Variants in HERC4 observed in about 807,000 individuals in gnomAD.
The protein encoded by HERC4 is HECT and RLD domain containing E3 ubiquitin protein ligase 4, also known as probable E3 ubiquitin-protein ligase HERC4.
In HERC4, 28 loss-of-function variants were observed where a neutral mutation model predicts 124.3. That is an observed-to-expected ratio of 0.23 (90% CI 0.17 to 0.31). HERC4 has a LOEUF of 0.31. Among genes scored for constraint, HERC4 ranks in the 10% least tolerant of loss-of-function variants. The pLI is 1.00. For synonymous variants in HERC4, 407 were observed against 421.5 expected (o/e 0.97, Z 0.42); for missense variants, 713 against 1,229.3 (o/e 0.58, Z 6.28).
Position 68,023,582 on chromosome 10 carries a change from T to C in HERC4, c.908+1964A>G, listed in dbSNP as rs184879657. ...ATAGGGAGTCATTGTTTAATGGGTATAGAGCTTCAGTTTTGCAAGATAAAA... is the reference window on the plus strand; with the variant it reads ...ATAGGGAGTCATTGTTTAATGGGTACAGAGCTTCAGTTTTGCAAGATAAAA... On this transcript the variant is annotated intron_variant, in intron 8 of 24. Transcript: ENST00000373700. Among the ~76,000 whole-genome samples the C allele has an allele frequency of 4.6e-5, 7 of 152,282 alleles. No homozygotes were observed. The East Asian group carries it at 9.6e-4, about 21-fold the overall frequency.
At chr10:68,011,891 T>C (rs1776389563) in intron 9 of HERC4, among the ~76,000 whole-genome samples, 1 of 152,230 alleles carries the variant, frequency 6.6e-6, no homozygotes, top group African/African-American at 2.4e-5. Context: ...TTTCTTCCAA[T>C]AGAAGGCTGT....
chr10:68,059,585 TATC>T lies in HERC4; in HGVS notation c.226+13295_226+13297del, dbSNP rs1454805500. ...TCATAATATTATATATCATATTATA[TATC>T]ATATTATATATCATAATATTATATA... is the stretch of plus-strand genomic sequence containing the variant. On this transcript the variant is annotated intron_variant, in intron 3 of 24. Coordinates refer to ENST00000373700, the MANE Select transcript of HERC4 (RefSeq NM_015601.4). 2.4e-4 allele frequency among the ~76,000 whole-genome samples: 23 copies of T among 95,398 alleles called. 2 individuals are homozygous for T. Among genetic ancestry groups the T allele is most frequent in the Non-Finnish European group, 3.7e-4 (20 of 54,522 alleles). 62.6% of individuals were successfully genotyped at this position (95,398 alleles called of 152,430 possible).
intron 19 of HERC4, among the ~76,000 whole-genome samples, chr10:67,944,448 C>T (rs748682077): frequency 5.9e-5 from 9 of 152,196 alleles, no homozygotes; most frequent in Non-Finnish European, 1.3e-4. Context: ...ACACCCAAGT[C>T]CCTCTAAATA....
intron 3 of HERC4, among the ~76,000 whole-genome samples, chr10:68,063,164 TTCA>T (rs1223504941): frequency 1.3e-5 from 2 of 152,290 alleles, no homozygotes; most frequent in East Asian, 1.9e-4. Context: ...TTAAATGATA[TTCA>T]TCATGTTGTA....
At chr10:67,965,838 CT>C (rs35811740) in intron 16 of HERC4, 71,154 of 151,964 alleles carry the variant, frequency 0.47, 20,675 homozygotes, top group Non-Finnish European at 0.66. Flanking sequence ...ACACAAATGG[CT>C]AGCAAATAAG....
chr10:67,931,687 A>G (rs1466288571), intron 23 of HERC4, among the ~76,000 whole-genome samples: 1 of 152,100 alleles, frequency 6.6e-6, no homozygotes, highest in Admixed American at 6.5e-5. Context: ...GGCCTCCCAA[A>G]GTGCTGGGAT....
At chr10:67,987,595 C>T (rs890019273) in intron 15 of HERC4, among the ~76,000 whole-genome samples, 1 of 152,108 alleles carries the variant, frequency 6.6e-6, no homozygotes, top group African/African-American at 2.4e-5. Context: ...AAGCCCTGTT[C>T]TGGGTAAAGG....
chr10:68,020,572 C>T (rs898621981), intron 8 of HERC4, among the ~76,000 whole-genome samples: 4 of 151,682 alleles, frequency 2.6e-5, no homozygotes, highest in African/African-American at 9.7e-5. Context: ...CGAGACCACC[C>T]CGGCTAAAAA....
intron 15 of HERC4, 118 bp downstream of exon 15, chr10:67,988,545 C>A (rs2036385430): frequency 1.5e-6 from 1 of 678,370 alleles, no homozygotes. Context: ...TTCCAAATTT[C>A]TATAATATGC....
intron 8 of HERC4, among the ~76,000 whole-genome samples, chr10:68,020,537 C>T (rs559399337): frequency 3.3e-5 from 5 of 151,980 alleles, no homozygotes; most frequent in Admixed American, 6.6e-5. Context: ...GAGGCCGAGG[C>T]GGGCAGATCA....
At chr10:67,983,085 A>C (rs1051263120) in intron 15 of HERC4, among the ~76,000 whole-genome samples, 2 of 151,952 alleles carry the variant, frequency 1.3e-5, no homozygotes, top group Non-Finnish European at 2.9e-5. Flanking sequence ...CAAAAAAAAA[A>C]AAAAACAAAA....
intron 3 of HERC4, among the ~76,000 whole-genome samples, chr10:68,056,952 C>T (rs634546): frequency 0.53 from 80,893 of 152,030 alleles, 25,539 homozygotes; most frequent in African/African-American, 0.86. Context: ...GGTCTGAACC[C>T]AAGTAAGTGC....
At chr10:68,060,503 T>C (rs781695308) in intron 3 of HERC4, among the ~76,000 whole-genome samples, 1 of 152,170 alleles carries the variant, frequency 6.6e-6, no homozygotes, top group Non-Finnish European at 1.5e-5. Flanking sequence ...CCTCCCAAAG[T>C]TCTGGGAATA....
intron 16 of HERC4, among the ~76,000 whole-genome samples, chr10:67,960,073 G>T (rs753326184): frequency 2.4e-4 from 36 of 152,222 alleles, no homozygotes; most frequent in Non-Finnish European, 3.4e-4. Flanking sequence ...TGTGACTTAT[G>T]ATAGGGGCTT....
intron 22 of HERC4, among the ~76,000 whole-genome samples, chr10:67,933,957 A>G (rs189082562): frequency 7.9e-5 from 12 of 152,360 alleles, no homozygotes; most frequent in African/African-American, 2.6e-4. Flanking sequence ...CCCTGGCAAC[A>G]GCCACTATTA....
chr10:67,990,413 A>G lies in HERC4; in HGVS notation c.1444-13T>C, dbSNP rs762273844. The stretch of plus-strand genomic sequence containing the variant: ...AACTAGCTGCCACCTATATTTTGAC[A>G]AAAAGTAAAACCTACTTCATTTAAA... On this transcript the variant is annotated splice_polypyrimidine_tract_variant and intron_variant, in intron 13 of 24. Transcript: ENST00000373700. 1.4e-6 allele frequency: 2 copies of G among 1,448,952 alleles called. No homozygotes were observed. The highest frequency in any genetic ancestry group is 4.4e-5 in the Admixed American group (2 of 45,284). The allele number at this position is 1,448,952 out of a possible 1,614,324, so 89.8% of individuals were successfully genotyped here.
Position 67,982,962 on chromosome 10 carries a change from T to C in HERC4, c.1806+5701A>G, listed in dbSNP as rs144237681. On this transcript the variant is annotated intron_variant, in intron 15 of 24. Transcript: ENST00000373700. ...GGGCAACACGGTGAAACCCCGTCTC[T>C]AATAAAATACAAAAAATTAGCTGGG... Among the ~76,000 whole-genome samples the C allele has an allele frequency of 4.2e-3, 637 of 150,518 alleles. 5 individuals carry two copies. The highest frequency in any genetic ancestry group is 0.014 in the African/African-American group (586 of 40,816).
intron 15 of HERC4, among the ~76,000 whole-genome samples, chr10:67,983,067 G>A (rs2132659593): frequency 6.9e-6 from 1 of 144,796 alleles, no homozygotes; most frequent in East Asian, 2.0e-4. Context: ...AGCGGAGGTT[G>A]CACTGAGCAA....
intron 8 of HERC4, among the ~76,000 whole-genome samples, chr10:68,017,780 C>T (rs559025024): frequency 2.8e-4 from 43 of 152,232 alleles, no homozygotes; most frequent in African/African-American, 4.6e-4. Flanking sequence ...TGAGCCACCA[C>T]GCCCGGCCTA....
Sources: allele counts gnomAD v4.1 joint callset (sites outside exome capture counted in the v4.1 genomes callset), GRCh38; gene constraint gnomAD v4.1.1; transcripts MANE v1.5; gene names NCBI Gene and HGNC (gene_info 2026-07-23, HGNC 2026-07-21).